SMARCA4: variants seen among roughly 807,000 people sequenced by gnomAD.
SMARCA4 encodes SWI/SNF related BAF chromatin remodeling complex subunit ATPase 4.
Under a neutral mutation model 193.9 loss-of-function variants are expected in SMARCA4, and 31 were observed. The observed-to-expected ratio is 0.16, with a 90% CI of 0.12 to 0.22. The LOEUF (loss-of-function observed/expected upper bound fraction) is 0.22, where lower values mean the gene tolerates loss of function less well. Ranked by LOEUF, SMARCA4 falls within the 10% of genes least tolerant of loss-of-function variation. The pLI is 1.00. For synonymous variants in SMARCA4, 942 were observed against 933.1 expected (o/e 1.01, Z -0.17); for missense variants, 1,148 against 2,296.0 (o/e 0.50, Z 10.22).
At chr19:10,990,817 C>A (rs1030885676) in intron 7 of SMARCA4, among the ~76,000 whole-genome samples, 1 of 152,218 alleles carries the variant, frequency 6.6e-6, no homozygotes, top group African/African-American at 2.4e-5. Flanking sequence ...CCTTGGCCTC[C>A]CAAAGTGTTG....
Position 11,041,264 on chromosome 19 carries a change from C to CT in SMARCA4, c.4171-43_4171-42insT. On this transcript the variant is annotated intron_variant, in intron 29 of 34. Coordinates refer to ENST00000344626, the MANE Select transcript of SMARCA4 (RefSeq NM_003072.5). The surrounding 1 kb of genome is among the most constrained non-coding windows in gnomAD (Gnocchi z 5.6). ...TTGCGTCGCGGCCTCTGCTTGTCGA[C>CT]CTGGGTGCTGGCTGTCCTATTTTAC... is the stretch of plus-strand genomic sequence containing the variant. The CT allele has an allele frequency of 6.4e-7, 1 of 1,572,998 alleles. No individual in the cohort carries two copies. The highest frequency in any genetic ancestry group is 8.6e-7 in the Non-Finnish European group (1 of 1,158,420).
chr19:11,021,479 A>G (rs1018220393), intron 18 of SMARCA4: 2 of 626,130 alleles, frequency 3.2e-6, no homozygotes, highest in Non-Finnish European at 5.9e-6. Flanking sequence ...TGCAATTTGC[A>G]TTGTTCACCT....
chr19:10,964,317 C>T (rs2084040988), intron 1 of SMARCA4, among the ~76,000 whole-genome samples: 1 of 148,364 alleles, frequency 6.7e-6, no homozygotes. Flanking sequence ...TTCTTTCTTT[C>T]TTTTTTTTTT....
At chr19:10,991,450 G>A in intron 8 of SMARCA4, 127 bp downstream of exon 8, 1 of 1,443,314 alleles carries the variant, frequency 6.9e-7, no homozygotes. Flanking sequence ...TTTGCTCATT[G>A]TAACAGTATT....
In SMARCA4 at chr19:11,024,454, C is replaced by A. The variant is rs1161472085; in HGVS notation, c.3081+16C>A. ...GGACAAGAAGGTGGGCCCCAGAGTC[C>A]CCCAACTGCATTCCCCACTGGGTGT... On this transcript the variant is annotated intron_variant, in intron 21 of 34. Transcript: ENST00000344626. 6.5e-7 allele frequency: 1 copy of A among 1,546,650 alleles called. No homozygotes were observed. The highest frequency in any genetic ancestry group is 1.4e-5 in the African/African-American group (1 of 73,722).
At chr19:10,989,220 C>G (rs2086334137) in intron 6 of SMARCA4, 97 bp from the exon 7 acceptor site, 1 of 1,467,740 alleles carries the variant, frequency 6.8e-7, no homozygotes. Context: ...ATGACTAGTG[C>G]CTGCCTCTCT....
intron 13 of SMARCA4, among the ~76,000 whole-genome samples, chr19:11,007,551 G>A (rs2088352561): frequency 6.6e-6 from 1 of 151,538 alleles, no homozygotes; most frequent in African/African-American, 2.4e-5. Flanking sequence ...CCAGCCCGGG[G>A]AATGTCACGA....
At chr19:11,021,544 C>T (rs1174609070) in intron 18 of SMARCA4, 181 bp from the exon 19 acceptor site, 9 of 760,680 alleles carry the variant, frequency 1.2e-5, no homozygotes, top group South Asian at 5.9e-5. Context: ...CAAGAGGCTA[C>T]GTTGTGTGGC....
At chr19:10,979,335 C>G (rs2085380411) in intron 1 of SMARCA4, among the ~76,000 whole-genome samples, 1 of 151,320 alleles carries the variant, frequency 6.6e-6, no homozygotes, top group Non-Finnish European at 1.5e-5. Context: ...TGGTAGAGTA[C>G]AATGTCTATG....
At chr19:11,018,624 C>T (rs1180056212) in intron 16 of SMARCA4, among the ~76,000 whole-genome samples, 5 of 152,228 alleles carry the variant, frequency 3.3e-5, no homozygotes, top group Non-Finnish European at 5.9e-5. Flanking sequence ...TGCTCTGAAG[C>T]TGCATTTTCC....
Position 11,030,918 on chromosome 19 carries a change from C to T in SMARCA4, c.3546+25C>T, listed in dbSNP as rs375755647. 17 of 1,603,750 alleles carry T rather than the reference C, an allele frequency of 1.1e-5. No homozygotes were observed. The South Asian group carries it at 1.3e-4, about 13-fold the overall frequency. On this transcript the variant is annotated intron_variant, in intron 25 of 34. Transcript: ENST00000344626. The surrounding 1 kb of genome is among the most constrained non-coding windows in gnomAD (Gnocchi z 5.5). ...GGTAAAAGCGGGCCGGGCCCCAGGT[C>T]GAGGAGAAGGAAGGGGGTGCCTGCA...
intron 7 of SMARCA4, 144 bp from the exon 8 acceptor site, chr19:10,991,006 C>T (rs937503923): frequency 5.4e-5 from 72 of 1,344,468 alleles, no homozygotes; most frequent in Non-Finnish European, 6.5e-5. Context: ...ACCTGCTAGA[C>T]GTCCCCTGCA....
At chr19:11,020,853 T>A (rs1489129442) in intron 18 of SMARCA4, 2 of 152,186 alleles carry the variant, frequency 1.3e-5, no homozygotes, top group East Asian at 1.9e-4. Context: ...TTTTTTTTTT[T>A]ATTGAGACAG....
At chr19:11,008,124 T>C (rs2146198841) in intron 14 of SMARCA4, 101 bp downstream of exon 14, 1 of 1,225,470 alleles carries the variant, frequency 8.2e-7, no homozygotes, top group Non-Finnish European at 1.2e-6. Context: ...CATTCAGCAC[T>C]GTCCAGCCAG....
intron 25 of SMARCA4, chr19:11,032,184 C>G (rs1324119050): frequency 6.6e-6 from 1 of 152,300 alleles, no homozygotes; most frequent in Non-Finnish European, 1.5e-5. Flanking sequence ...AGTGTGCTGA[C>G]AGGGCAGGAG....
intron 23 of SMARCA4, among the ~76,000 whole-genome samples, chr19:11,027,124 A>C (rs1043512367): frequency 6.6e-6 from 1 of 152,314 alleles, no homozygotes; most frequent in South Asian, 2.1e-4. Context: ...CCTCCATTCA[A>C]TTCCCCTGGG....
At chr19:11,007,826 A>G (rs1359761787) in intron 13 of SMARCA4, 76 bp from the exon 14 acceptor site, 4 of 1,532,798 alleles carry the variant, frequency 2.6e-6, no homozygotes, top group East Asian at 4.5e-5. Flanking sequence ...TGCTTCTGAG[A>G]CTGTTCTCCC....
rs762378806 is a variant in SMARCA4 at position 11,061,949 on chromosome 19, T to C, written c.*133T>C. 2.6e-5 allele frequency: 22 copies of C among 859,484 alleles called. No homozygotes were observed. The highest frequency in any genetic ancestry group is 4.1e-5 in the Non-Finnish European group (21 of 513,784). The allele number at this position is 859,484 out of a possible 1,614,324, so 53.2% of individuals were successfully genotyped here. A position where few individuals can be genotyped will look rare whatever the true frequency, so the allele number is the denominator to read the frequency against. On this transcript the variant is annotated 3_prime_UTR_variant, in exon 35 of 35. Coordinates refer to ENST00000344626, the MANE Select transcript of SMARCA4 (RefSeq NM_003072.5). ...ACTGTATAAACAAAAGAATCTTCCA[T>C]ATTTATACAGCAGAGAAGCTGTAGG...
chr19:10,966,345 C>G (rs565843717), intron 1 of SMARCA4, among the ~76,000 whole-genome samples: 45 of 152,246 alleles, frequency 3.0e-4, no homozygotes, highest in African/African-American at 1.0e-3. Flanking sequence ...AATTCCCACA[C>G]TTTGGGAGGC....
Sources: allele counts gnomAD v4.1 joint callset (sites outside exome capture counted in the v4.1 genomes callset), GRCh38; gene constraint gnomAD v4.1.1; non-coding constraint Gnocchi (gnomAD v3.1); transcripts MANE v1.5; gene names NCBI Gene and HGNC (gene_info 2026-07-23, HGNC 2026-07-21).